Variants in CCDC60 observed in about 807,000 individuals in gnomAD.
CCDC60 encodes coiled-coil domain-containing protein 60.
In CCDC60, 54 loss-of-function variants were observed where a neutral mutation model predicts 63.5. The ratio of observed to expected loss-of-function variants is 0.85; its 90% CI spans 0.68 to 1.07. The LOEUF is 1.07. CCDC60 is among the 50% of genes least tolerant of loss of function. The pLI, the probability that CCDC60 is intolerant of heterozygous loss-of-function variation, is 0.00. For synonymous variants in CCDC60, 206 were observed against 238.8 expected (o/e 0.86, Z 1.27); for missense variants, 651 against 684.3 (o/e 0.95, Z 0.54).
chr12:119,392,328 G>A (rs1380532492), intron 1 of CCDC60, among the ~76,000 whole-genome samples: 4 of 152,128 alleles, frequency 2.6e-5, no homozygotes, highest in African/African-American at 9.7e-5. Context: ...AGCCAGCTTT[G>A]AACTAAGTGA....
rs569735883 is a variant in CCDC60, at chr12:119,533,228, G to A, written c.1551+2165G>A. Among the ~76,000 whole-genome samples, 24 of 152,244 alleles carry A rather than the reference G, an allele frequency of 1.6e-4. No individual in the cohort carries two copies. The South Asian group carries it at 3.9e-3, about 25-fold the overall frequency. The stretch of plus-strand genomic sequence containing the variant: ...GCATAAATGTCTTCTTTTGAGAAGT[G>A]TCTATTCATATCCTTCACCTACTTT... On this transcript the variant is annotated intron_variant, in intron 13 of 13. Transcript: ENST00000327554.
intron 1 of CCDC60, among the ~76,000 whole-genome samples, chr12:119,339,506 C>T (rs1241272468): frequency 6.6e-6 from 1 of 151,090 alleles, no homozygotes; most frequent in Non-Finnish European, 1.5e-5. Context: ...CAGATTCTGC[C>T]AGGCGCAGTG....
chr12:119,357,864 A>G (rs1165213483), intron 1 of CCDC60, among the ~76,000 whole-genome samples: 1 of 152,194 alleles, frequency 6.6e-6, no homozygotes, highest in Non-Finnish European at 1.5e-5. Context: ...AAGTGGTTTA[A>G]TTTGCTCATG....
chr12:119,535,097 T>C (rs1252658027), intron 13 of CCDC60, among the ~76,000 whole-genome samples: 1 of 152,244 alleles, frequency 6.6e-6, no homozygotes, highest in Non-Finnish European at 1.5e-5. Context: ...TTTCAGAGCC[T>C]GTTATCAGTC....
intron 1 of CCDC60, among the ~76,000 whole-genome samples, chr12:119,393,420 C>T (rs1258510505): frequency 2.0e-5 from 3 of 152,226 alleles, no homozygotes; most frequent in East Asian, 3.8e-4. Flanking sequence ...CTCTCTTTCA[C>T]AAATGATTCC....
At chr12:119,350,200 TA>T (rs1955642028) in intron 1 of CCDC60, among the ~76,000 whole-genome samples, 2 of 151,188 alleles carry the variant, frequency 1.3e-5, no homozygotes, top group African/African-American at 2.4e-5. Context: ...TTTATTTATT[TA>T]TTTATTTATT....
intron 1 of CCDC60, among the ~76,000 whole-genome samples, chr12:119,384,058 T>C (rs985655775): frequency 4.0e-5 from 6 of 151,866 alleles, no homozygotes; most frequent in African/African-American, 1.5e-4. Context: ...TAGCCGGGCG[T>C]GGTGGCGGGC....
intron 1 of CCDC60, among the ~76,000 whole-genome samples, chr12:119,416,883 G>C (rs962775716): frequency 2.0e-5 from 3 of 152,178 alleles, no homozygotes; most frequent in Non-Finnish European, 4.4e-5. Flanking sequence ...CACTTTGGGA[G>C]GCTGAGATGG....
chr12:119,382,808 C>T (rs1956021696), intron 1 of CCDC60, among the ~76,000 whole-genome samples: 2 of 152,152 alleles, frequency 1.3e-5, no homozygotes, highest in Non-Finnish European at 2.9e-5. Context: ...TCATGTTTCC[C>T]CAAACATGCC....
chr12:119,518,225 C>A (rs1952406926), intron 8 of CCDC60, among the ~76,000 whole-genome samples: 1 of 152,134 alleles, frequency 6.6e-6, no homozygotes, highest in South Asian at 2.1e-4. Context: ...TAGAGACAGA[C>A]AATAATAATG....
chr12:119,349,233 C>T (rs190972146), intron 1 of CCDC60, among the ~76,000 whole-genome samples: 64 of 152,178 alleles, frequency 4.2e-4, no homozygotes, highest in Middle Eastern at 3.4e-3. Context: ...GAAAACCACC[C>T]ACTTTGAGAA....
At chr12:119,449,235 T>G (rs1011956558) in intron 2 of CCDC60, among the ~76,000 whole-genome samples, 1 of 152,152 alleles carries the variant, frequency 6.6e-6, no homozygotes, top group African/African-American at 2.4e-5. Context: ...CAGATCTGCC[T>G]TCCCTTTGGG....
chr12:119,406,091 A>C (rs1593040590), intron 1 of CCDC60, among the ~76,000 whole-genome samples: 1 of 152,256 alleles, frequency 6.6e-6, no homozygotes, highest in East Asian at 1.9e-4. Flanking sequence ...GAATCGCTTG[A>C]ACCCGGGAGG....
At chr12:119,398,536 C>CA (rs573506812) in intron 1 of CCDC60, among the ~76,000 whole-genome samples, 69 of 152,338 alleles carry the variant, frequency 4.5e-4, no homozygotes, top group African/African-American at 1.6e-3. Context: ...GAGTAGGCAC[C>CA]AAGGCCGAGG....
intron 3 of CCDC60, among the ~76,000 whole-genome samples, chr12:119,474,079 C>G (rs1009167532): frequency 6.6e-6 from 1 of 152,162 alleles, no homozygotes; most frequent in African/African-American, 2.4e-5. Flanking sequence ...AGTTTACATT[C>G]CCGAAAAAAA....
intron 1 of CCDC60, among the ~76,000 whole-genome samples, chr12:119,401,708 A>G (rs1956395042): frequency 6.6e-6 from 1 of 152,262 alleles, no homozygotes; most frequent in Admixed American, 6.5e-5. Context: ...AGATATCCTC[A>G]ATAATGGATA....
At chr12:119,469,797 GA>G (rs1375088554) in intron 2 of CCDC60, among the ~76,000 whole-genome samples, 2 of 152,062 alleles carry the variant, frequency 1.3e-5, no homozygotes, top group African/African-American at 4.8e-5. Context: ...GTTGAGATGC[GA>G]AAAAATGGGC....
chr12:119,481,977 T>C (rs2519542), intron 4 of CCDC60, among the ~76,000 whole-genome samples: 15,839 of 128,608 alleles, frequency 0.12, 1,258 homozygotes, highest in Non-Finnish European at 0.19. Context: ...ATATATATAG[T>C]ATATATATGT....
intron 9 of CCDC60, among the ~76,000 whole-genome samples, chr12:119,522,046 AAAG>A (rs1431806806): frequency 5.3e-5 from 8 of 152,300 alleles, no homozygotes; most frequent in Middle Eastern, 3.4e-3. Flanking sequence ...CTGCCTGCCT[AAAG>A]AAGTCCCAAA....
Sources: gnomAD v4.1 joint callset for allele counts (sites outside exome capture counted in the v4.1 genomes callset) on GRCh38, gnomAD v4.1.1 for gene constraint, MANE v1.5 for transcripts, NCBI Gene and HGNC (gene_info 2026-07-23, HGNC 2026-07-21) for gene names.